The following NFATC2 variants were observed in gnomAD, a reference collection of about 807,000 sequenced individuals.
NFATC2 encodes the protein nuclear factor of activated T-cells, cytoplasmic 2.
NFATC2 carries 22 observed loss-of-function variants against 87.3 expected under a neutral mutation model. The ratio of observed to expected loss-of-function variants is 0.25; its 90% confidence interval spans 0.18 to 0.36. The LOEUF (loss-of-function observed/expected upper bound fraction) is 0.36, where lower values mean the gene tolerates loss of function less well. Ranked by LOEUF, NFATC2 falls within the 10% of genes least tolerant of loss-of-function variation. The pLI, the probability that NFATC2 is intolerant of heterozygous loss-of-function variation, is 1.00. For synonymous variants in NFATC2, 565 were observed against 542.2 expected, an observed-to-expected ratio of 1.04 and a Z score of -0.58; for missense variants, 1,149 against 1,259.1, an observed-to-expected ratio of 0.91 and a Z score of 1.32.
intron 3 of NFATC2, among the ~76,000 whole-genome samples, chr20:51,481,337 G>C (rs1989236926): frequency 6.6e-6 from 1 of 151,846 alleles, no homozygotes; most frequent in African/African-American, 2.4e-5. Flanking sequence ...AGGAGGCTTT[G>C]GGGCGGCCTT....
At chr20:51,541,784 C>T (rs1028928024) in intron 1 of NFATC2, among the ~76,000 whole-genome samples, 1 of 152,160 alleles carries the variant, frequency 6.6e-6, no homozygotes, top group Admixed American at 6.5e-5. Context: ...TTAACCCTCT[C>T]CAGCATCAGA....
intron 6 of NFATC2, among the ~76,000 whole-genome samples, chr20:51,444,883 G>T (rs960841088): frequency 4.6e-5 from 7 of 152,060 alleles, no homozygotes; most frequent in African/African-American, 1.7e-4. Flanking sequence ...GCCCGACAGG[G>T]TAACACTGCT....
At chr20:51,458,290 T>C (rs577103044) in intron 5 of NFATC2, among the ~76,000 whole-genome samples, 1 of 152,194 alleles carries the variant, frequency 6.6e-6, no homozygotes, top group Non-Finnish European at 1.5e-5. Flanking sequence ...CTGGGCATTG[T>C]ACAATGTTTA....
chr20:51,398,515 G>A, intron 10 of NFATC2, 128 bp downstream of exon 10: 1 of 604,996 alleles, frequency 1.7e-6, no homozygotes, highest in East Asian at 2.9e-5. Context: ...GCCCTTAAGA[G>A]CAGGAGAATG....
chr20:51,552,215 T>C (rs1171803298), intron 1 of NFATC2, among the ~76,000 whole-genome samples: 1 of 152,176 alleles, frequency 6.6e-6, no homozygotes, highest in East Asian at 1.9e-4. Context: ...AGGCTGACGC[T>C]GCAGTGAGCC....
At position 51,448,704 on chromosome 20, in the gene NFATC2, A is replaced by G. The variant is rs78829645; in HGVS notation, c.1849+5844T>C. ...GGAGGAACATTCTAAGAGCAAACGG[A>G]GAAAGCCAAGGTCCTGAGACAGAAA... On this transcript the variant is annotated intron_variant, in intron 6 of 10. Transcript: ENST00000371564. Among the ~76,000 whole-genome samples the G allele has an allele frequency of 3.8e-3, 583 of 152,282 alleles. 6 individuals carry two copies. Among genetic ancestry groups the G allele is most frequent in the African/African-American group, 0.013 (552 of 41,548 alleles).
chr20:51,436,506 C>T (rs1206240215), intron 6 of NFATC2, among the ~76,000 whole-genome samples: 1 of 150,508 alleles, frequency 6.6e-6, no homozygotes, highest in Non-Finnish European at 1.5e-5. Context: ...GCTAGGAGTT[C>T]GAGACCAGCC....
rs182474494 is a variant in NFATC2 at position 51,488,503 on chromosome 20, A to G, written c.1333-12843T>C. On this transcript the variant is annotated intron_variant, in intron 3 of 10. Transcript: ENST00000371564. Reference sequence around the variant, plus strand: ...ACCCTTTTCCCAACTGTGATGCACAAAAAAGTCTCTGGACATTGCTAAATG... The same window carrying G: ...ACCCTTTTCCCAACTGTGATGCACAGAAAAGTCTCTGGACATTGCTAAATG... Among the ~76,000 whole-genome samples the G allele has an allele frequency of 7.4e-4, 110 of 147,676 alleles. 1 individual carries two copies. The highest frequency in any genetic ancestry group is 1.4e-3 in the Non-Finnish European group (98 of 67,986).
At chr20:51,488,361 G>C (rs1287766987) in intron 3 of NFATC2, among the ~76,000 whole-genome samples, 1 of 152,150 alleles carries the variant, frequency 6.6e-6, no homozygotes, top group African/African-American at 2.4e-5. Flanking sequence ...TCGCACTATT[G>C]GCCAGTGTGG....
intron 4 of NFATC2, 63 bp from the exon 5 acceptor site, chr20:51,474,215 C>A (rs557230054): frequency 6.3e-7 from 1 of 1,578,696 alleles, no homozygotes. Context: ...AGATCACCCC[C>A]AAAGCTGCCA....
rs528797392 is a variant in NFATC2, at chr20:51,524,851, C to T, written c.131-741G>A. Among the ~76,000 whole-genome samples, 5 of 152,240 alleles carry T rather than the reference C, an allele frequency of 3.3e-5. No individual in the cohort carries two copies. In the East Asian group the frequency reaches 7.7e-4, roughly 23 times the overall value. On this transcript the variant is annotated intron_variant, in intron 1 of 10. Coordinates refer to ENST00000371564, the MANE Select transcript of NFATC2 (RefSeq NM_012340.5). The surrounding 1 kb of genome is among the most constrained non-coding windows in gnomAD (Gnocchi z 4.0). ...TACGGAATTAGCAGGCTTAAAAATA[C>T]CACAGGCAAGCCACTTGCCCCCCAA...
chr20:51,478,500 G>A (rs1052116486), intron 3 of NFATC2, among the ~76,000 whole-genome samples: 8 of 152,182 alleles, frequency 5.3e-5, no homozygotes, highest in Non-Finnish European at 1.0e-4. Flanking sequence ...AAAATCTATC[G>A]TGTCCCTACA....
chr20:51,533,966 C>T (rs1027321700), intron 1 of NFATC2, among the ~76,000 whole-genome samples: 3 of 152,210 alleles, frequency 2.0e-5, no homozygotes, highest in South Asian at 4.1e-4. Context: ...AGAACTGTCT[C>T]TTGCTGGTTT....
At chr20:51,424,429 T>C (rs1981451738) in intron 9 of NFATC2, among the ~76,000 whole-genome samples, 1 of 152,104 alleles carries the variant, frequency 6.6e-6, no homozygotes, top group South Asian at 2.1e-4. Context: ...AGAAGAGTGA[T>C]CAGCAACTAC....
At chr20:51,519,913 C>CT (rs1437715453) in intron 2 of NFATC2, among the ~76,000 whole-genome samples, 3 of 130,312 alleles carry the variant, frequency 2.3e-5, no homozygotes, top group East Asian at 4.0e-4. Context: ...GAGACTCCAT[C>CT]TAAAAAAAAA....
chr20:51,411,516 CTT>C (rs67935951), intron 9 of NFATC2, among the ~76,000 whole-genome samples: 245 of 87,158 alleles, frequency 2.8e-3, no homozygotes, highest in African/African-American at 9.9e-3. Context: ...ATGCAATTGT[CTT>C]TTTTTTTTTT....
In NFATC2 at chr20:51,512,770, G is replaced by A. The variant is rs144395321; in HGVS notation, c.1332+4014C>T. ...GAGGCAAATAAAAGAGAGAAGGGTG[G>A]AGACTGAGTAACTGAGAGGGGAGAA... On this transcript the variant is annotated intron_variant, in intron 3 of 10. Coordinates refer to ENST00000371564, the MANE Select transcript of NFATC2 (RefSeq NM_012340.5). 3.3e-3 allele frequency among the ~76,000 whole-genome samples: 510 copies of A among 152,312 alleles called. 10 individuals carry two copies. Among genetic ancestry groups the A allele is most frequent in the Admixed American group, 0.031 (473 of 15,292 alleles).
intron 2 of NFATC2, among the ~76,000 whole-genome samples, chr20:51,518,806 T>A (rs868291140): frequency 2.6e-5 from 4 of 152,180 alleles, no homozygotes; most frequent in South Asian, 4.1e-4. Flanking sequence ...TATTTTTAAT[T>A]TTTTCTTTTT....
rs201848514 is a variant in NFATC2, at chr20:51,523,472, C to A, written c.769G>T (p.Ala257Ser). ...GGCGGCAGGGCAACCAAGGCCTCGG[C>A]GCACGAATGCCTCCGCTTGGCACCA... ...SPGAKRRHSC[A>S]EALVALPPGA... Residue 257 changes from alanine (A) to serine (S), a missense_variant, in exon 2 of 11, where the codon GCC (alanine) becomes TCC (serine). Physicochemically the swap from Ala to Ser is moderately conservative, Grantham distance 99. Around this residue, in one of 3 missense-constraint regions of NFATC2, gnomAD observed 563 missense variants for 585.2 expected, o/e 0.96. Transcript: ENST00000371564. The surrounding 1 kb of genome is among the most constrained non-coding windows in gnomAD (Gnocchi z 6.9). 3 of 1,610,720 alleles carry A rather than the reference C, an allele frequency of 1.9e-6. No homozygotes were observed. Among genetic ancestry groups the A allele is most frequent in the Non-Finnish European group, 2.5e-6 (3 of 1,178,484 alleles).
Sources: allele counts gnomAD v4.1 joint callset (sites outside exome capture counted in the v4.1 genomes callset), GRCh38; gene constraint gnomAD v4.1.1; regional missense constraint gnomAD v4.1.1; non-coding constraint Gnocchi (gnomAD v3.1); transcripts MANE v1.5; gene names NCBI Gene and HGNC (gene_info 2026-07-23, HGNC 2026-07-21).